DLST: variants seen among roughly 807,000 people sequenced by gnomAD.
DLST encodes the protein dihydrolipoamide S-succinyltransferase, also known as dihydrolipoyllysine-residue succinyltransferase component of 2-oxoglutarate dehydrogenase complex, mitochondrial.
In DLST, 17 loss-of-function variants were observed where a neutral mutation model predicts 53.1. The observed-to-expected ratio is 0.32, with a 90% CI of 0.22 to 0.48. DLST has a LOEUF of 0.48. Ranked by LOEUF, DLST falls within the 20% of genes least tolerant of loss-of-function variation. The pLI, the probability that DLST is intolerant of heterozygous loss-of-function variation, is 0.99. For missense variants in DLST, 512 were observed against 583.9 expected, an observed-to-expected ratio of 0.88 and a Z score of 1.27; for synonymous variants, 206 against 204.8, an observed-to-expected ratio of 1.01 and a Z score of -0.05.
At chr14:74,898,839 T>G (rs946378072) in intron 11 of DLST, among the ~76,000 whole-genome samples, 42 of 150,596 alleles carry the variant, frequency 2.8e-4, no homozygotes, top group African/African-American at 1.0e-3. Context: ...CCACAGGCCC[T>G]GTTACCTTGG....
At chr14:74,883,814 T>G (rs1883614853) in intron 2 of DLST, among the ~76,000 whole-genome samples, 1 of 152,210 alleles carries the variant, frequency 6.6e-6, no homozygotes, top group Non-Finnish European at 1.5e-5. Flanking sequence ...CCCACCATGT[T>G]CTCATTTACT....
chr14:74,893,514 G>T, intron 9 of DLST, 90 bp downstream of exon 9: 2 of 1,390,898 alleles, frequency 1.4e-6, no homozygotes, highest in Non-Finnish European at 2.0e-6. Flanking sequence ...ACCTTTGAAT[G>T]CCTGGCAGCT....
rs1294817635 is a variant in DLST at position 74,903,051 on chromosome 14, CGTCTT to C, written c.*723_*727del. 3 of 152,722 alleles carry C rather than the reference CGTCTT, an allele frequency of 2.0e-5. No homozygotes were observed. The highest frequency in any genetic ancestry group is 7.2e-5 in the African/African-American group (3 of 41,450). The allele number at this position is 152,722 out of a possible 1,614,324, so 9.5% of individuals were successfully genotyped here. A position where few individuals can be genotyped will look rare whatever the true frequency, so the allele number is the denominator to read the frequency against. On this transcript the variant is annotated 3_prime_UTR_variant, in exon 15 of 15. Coordinates refer to ENST00000334220, the MANE Select transcript of DLST (RefSeq NM_001933.5). The stretch of plus-strand genomic sequence containing the variant: ...ATCATAGGCTGACACCAAGAAGACT[CGTCTT>C]GGCACAATCTCACACAGCTGGGGCT...
At position 74,903,011 on chromosome 14, in the gene DLST, G is replaced by T. The variant is rs185929762; in HGVS notation, c.*681G>T. On this transcript the variant is annotated 3_prime_UTR_variant, in exon 15 of 15. Coordinates refer to ENST00000334220, the MANE Select transcript of DLST (RefSeq NM_001933.5). ...CATCATAGAAGGAGAGCCCAGGCCT[G>T]CCCTCACGCTCTCCATCATAGGCTG... 1 of 152,650 alleles carries T rather than the reference G, an allele frequency of 6.6e-6. No homozygotes were observed. Among genetic ancestry groups the T allele is most frequent in the Non-Finnish European group, 1.5e-5 (1 of 68,086 alleles). 9.5% of individuals were successfully genotyped at this position (152,650 alleles called of 1,614,324 possible).
chr14:74,884,191 C>T (rs769532679), intron 2 of DLST, among the ~76,000 whole-genome samples: 9 of 152,188 alleles, frequency 5.9e-5, no homozygotes, highest in Non-Finnish European at 1.2e-4. Flanking sequence ...CAGTGATAGA[C>T]ATGGGAAGAA....
chr14:74,894,681 GAATACAGGC>G (rs1453488435), intron 10 of DLST, among the ~76,000 whole-genome samples: 1 of 152,052 alleles, frequency 6.6e-6, no homozygotes. Flanking sequence ...GAGTAGCTGG[GAATACAGGC>G]GCCCCCCACC....
At chr14:74,885,369 A>G (rs1412743120) in intron 2 of DLST, among the ~76,000 whole-genome samples, 1 of 152,190 alleles carries the variant, frequency 6.6e-6, no homozygotes, top group Non-Finnish European at 1.5e-5. Context: ...CTCCCCAGCC[A>G]AACACATACC....
At position 74,881,988 on chromosome 14, in the gene DLST, T is replaced by A; in HGVS notation, c.35T>A (p.Phe12Tyr). ...CGATCCCGCTGTGTGTCTCGGGCGT[T>A]CAGCCGCTCGCTCTCCGCCTTCCAG... ...LSRSRCVSRAFSRSLSAFQKG... is the reference protein window; with the variant it reads ...LSRSRCVSRAYSRSLSAFQKG... Residue 12 changes from phenylalanine (F) to tyrosine (Y), a missense_variant, in exon 1 of 15, where the codon TTC becomes TAC. By Grantham distance (22) the Phe-to-Tyr change is conservative. Coordinates refer to ENST00000334220, the MANE Select transcript of DLST (RefSeq NM_001933.5). The A allele has an allele frequency of 1.3e-6, 2 of 1,573,076 alleles. No individual in the cohort carries two copies. The highest frequency in any genetic ancestry group is 1.7e-6 in the Non-Finnish European group (2 of 1,167,758).
At chr14:74,891,214 G>A (rs574730917) in intron 7 of DLST, 47 bp downstream of exon 7, 3 of 1,612,970 alleles carry the variant, frequency 1.9e-6, no homozygotes, top group Non-Finnish European at 2.5e-6. Context: ...TTCCCTCTTG[G>A]GATTGGGACT....
At position 74,889,967 on chromosome 14, in the gene DLST, T is replaced by G; in HGVS notation, c.330+15T>G. On this transcript the variant is annotated intron_variant, in intron 6 of 14. Transcript: ENST00000334220. ...AAACTGACAAGGTAGGCTTATCTTATATTCGTACCAGCTTTTCATGGGCTT... is the reference window on the plus strand; with the variant it reads ...AAACTGACAAGGTAGGCTTATCTTAGATTCGTACCAGCTTTTCATGGGCTT... 6.2e-7 allele frequency: 1 copy of G among 1,612,168 alleles called. No homozygotes were observed. The highest frequency in any genetic ancestry group is 1.1e-5 in the South Asian group (1 of 90,784).
rs917264991 is a variant in DLST, at chr14:74,900,115, A to C, written c.975+119A>C. ...TGTATTTTTAGAAGGGAGTTAGTAA[A>C]AGTAACCTTTTTTTTCTTTTAAACC... is the stretch of plus-strand genomic sequence containing the variant. On this transcript the variant is annotated intron_variant, in intron 12 of 14. Coordinates refer to ENST00000334220, the MANE Select transcript of DLST (RefSeq NM_001933.5). The C allele has an allele frequency of 8.9e-6, 10 of 1,129,592 alleles. No homozygotes were observed. The African/African-American group carries it at 1.6e-4, about 18-fold the overall frequency. The allele number at this position is 1,129,592 out of a possible 1,614,324, so 70.0% of individuals were successfully genotyped here. A position where few individuals can be genotyped will look rare whatever the true frequency, so the allele number is the denominator to read the frequency against.
In DLST at chr14:74,891,177, T is replaced by C; in HGVS notation, c.442+10T>C. 1.9e-6 allele frequency: 3 copies of C among 1,614,024 alleles called. No homozygotes were observed. The highest frequency in any genetic ancestry group is 2.5e-6 in the Non-Finnish European group (3 of 1,179,942). ...CTCAGGAAAACTGGTGGTAAAGAAG[T>C]TCTCCTGGTGGTCAAGGTCTCCAGT... On this transcript the variant is annotated intron_variant, in intron 7 of 14. Coordinates refer to ENST00000334220, the MANE Select transcript of DLST (RefSeq NM_001933.5).
At position 74,898,443 on chromosome 14, in the gene DLST, C is replaced by T. The variant is rs1412969332; in HGVS notation, c.845C>T (p.Ser282Leu). 6 of 1,613,872 alleles carry T rather than the reference C, an allele frequency of 3.7e-6. No homozygotes were observed. The highest frequency in any genetic ancestry group is 5.1e-6 in the Non-Finnish European group (6 of 1,180,040). ...KKHNLKLGFM[S>L]AFVKASAFAL... ...CATAACCTCAAACTAGGCTTCATGT[C>T]GGCATTTGTGAAGGCCTCAGCCTTT... Residue 282 changes from serine (S) to leucine (L), a missense_variant, in exon 11 of 15, where the codon TCG becomes TTG. Physicochemically the swap from Ser to Leu is moderately radical, Grantham distance 145. Transcript: ENST00000334220.
chr14:74,894,877 G>A (rs571166849), intron 10 of DLST, among the ~76,000 whole-genome samples: 6 of 152,012 alleles, frequency 3.9e-5, no homozygotes, highest in African/African-American at 1.2e-4. Flanking sequence ...AGAGTGAGCC[G>A]CTGGCTTCTT....
At chr14:74,888,202 G>A (rs1883772700) in intron 3 of DLST, among the ~76,000 whole-genome samples, 2 of 151,482 alleles carry the variant, frequency 1.3e-5, no homozygotes, top group South Asian at 4.1e-4. Flanking sequence ...ATGTGTTGAT[G>A]TGCTGTTTTC....
At position 74,892,008 on chromosome 14, in the gene DLST, G is replaced by C. The variant is rs923322703; in HGVS notation, c.443-826G>C. 4.6e-5 allele frequency: 15 copies of C among 325,566 alleles called. 1 individual carries two copies. The Admixed American group carries it at 9.1e-4, about 20-fold the overall frequency. 20.2% of individuals were successfully genotyped at this position (325,566 alleles called of 1,614,324 possible). ...ACAAACATTTCATTTAAAGTTGTGA[G>C]ATTATTACTTGGCCACTTCAGTGAT... On this transcript the variant is annotated intron_variant, in intron 7 of 14. Coordinates refer to ENST00000334220, the MANE Select transcript of DLST (RefSeq NM_001933.5).
At position 74,881,953 on chromosome 14, in the gene DLST, G is replaced by T; in HGVS notation, c.-1G>T. 1 of 1,558,302 alleles carries T rather than the reference G, an allele frequency of 6.4e-7. No homozygotes were observed. The stretch of plus-strand genomic sequence containing the variant: ...CGCCCGCCCTCGGCTCCTCCGCCGT[G>T]ATGCTGTCCCGATCCCGCTGTGTGT... On this transcript the variant is annotated 5_prime_UTR_variant, in exon 1 of 15. Transcript: ENST00000334220.
In DLST at chr14:74,885,475, C is replaced by T. The variant is rs1017595237; in HGVS notation, c.98-111C>T. On this transcript the variant is annotated intron_variant, in intron 2 of 14. Transcript: ENST00000334220. ...CTATGATAAAGATTATATCCGTTGC[C>T]GTTGATCCTGCTCTGTCTCAGGGTT... The T allele has an allele frequency of 2.7e-5, 29 of 1,086,850 alleles. No homozygotes were observed. The African/African-American group carries it at 3.9e-4, about 15-fold the overall frequency. The allele number at this position is 1,086,850 out of a possible 1,614,324, so 67.3% of individuals were successfully genotyped here. A position where few individuals can be genotyped will look rare whatever the true frequency, so the allele number is the denominator to read the frequency against.
intron 2 of DLST, among the ~76,000 whole-genome samples, 183 bp downstream of exon 2, chr14:74,882,807 A>G (rs531567768): frequency 5.3e-5 from 8 of 152,320 alleles, no homozygotes; most frequent in African/African-American, 1.7e-4. Flanking sequence ...TTGAGTTTCT[A>G]CTGTGTTAGG....
Sources: gnomAD v4.1 joint callset for allele counts (sites outside exome capture counted in the v4.1 genomes callset) on GRCh38, gnomAD v4.1.1 for gene constraint, MANE v1.5 for transcripts, NCBI Gene and HGNC (gene_info 2026-07-23, HGNC 2026-07-21) for gene names.